Variants in MACROD2 observed in about 807,000 individuals in gnomAD.
MACROD2 encodes the protein mono-ADP ribosylhydrolase 2.
Under a neutral mutation model 70.4 loss-of-function variants are expected in MACROD2, and 36 were observed. That is an observed-to-expected ratio of 0.51 (90% CI 0.39 to 0.68). The LOEUF is 0.68. Among genes scored for constraint, MACROD2 ranks in the 30% least tolerant of loss-of-function variants. The pLI is 0.00. For missense variants in MACROD2, 496 were observed against 538.4 expected (o/e 0.92, Z 0.78); for synonymous variants, 172 against 178.8 (o/e 0.96, Z 0.30).
intron 5 of MACROD2, among the ~76,000 whole-genome samples, chr20:14,832,780 T>C (rs1332826962): frequency 4.6e-5 from 7 of 152,148 alleles, no homozygotes; most frequent in African/African-American, 1.7e-4. Context: ...TGCAAGCAGT[T>C]TACTTGACTT....
At chr20:14,736,934 G>A (rs753240910) in intron 5 of MACROD2, among the ~76,000 whole-genome samples, 4 of 152,024 alleles carry the variant, frequency 2.6e-5, no homozygotes, top group Non-Finnish European at 5.9e-5. Flanking sequence ...AACAGAATCT[G>A]TATCACCATT....
At chr20:14,153,829 T>C (rs1044386549) in intron 3 of MACROD2, among the ~76,000 whole-genome samples, 1 of 152,222 alleles carries the variant, frequency 6.6e-6, no homozygotes, top group Non-Finnish European at 1.5e-5. Context: ...ATCAGGTTCA[T>C]ATAACAAAAA....
chr20:15,086,260 A>C (rs2075747979), intron 5 of MACROD2, among the ~76,000 whole-genome samples: 1 of 152,188 alleles, frequency 6.6e-6, no homozygotes. Flanking sequence ...CTAACTTGCA[A>C]ATTGTAACTA....
intron 3 of MACROD2, among the ~76,000 whole-genome samples, chr20:14,087,059 AAAGTTCAGAAT>A (rs905646955): frequency 6.6e-6 from 1 of 152,194 alleles, no homozygotes; most frequent in Non-Finnish European, 1.5e-5. Flanking sequence ...AATTTAGCAG[AAAGTTCAGAAT>A]ACCGGTCAGC....
intron 4 of MACROD2, among the ~76,000 whole-genome samples, chr20:14,511,077 G>C (rs975227006): frequency 4.6e-5 from 7 of 152,060 alleles, no homozygotes; most frequent in Non-Finnish European, 8.8e-5. Flanking sequence ...TGGTGAGACA[G>C]AATGAAAGAA....
rs370430153 is a variant in MACROD2, at chr20:15,970,547, T to C, written c.985+2917T>C. Among the ~76,000 whole-genome samples, 9 of 152,216 alleles carry C rather than the reference T, an allele frequency of 5.9e-5. No individual in the cohort carries two copies. The East Asian group carries it at 1.7e-3, about 29-fold the overall frequency. ...TGAGCCCTGTGATTGCCCAGCTGGC[T>C]GCCTGGAGAGTTTCCAGGCTGTGGT... On this transcript the variant is annotated intron_variant, in intron 13 of 17. Transcript: ENST00000684519.
At chr20:15,337,992 A>G (rs912088642) in intron 6 of MACROD2, among the ~76,000 whole-genome samples, 5 of 151,746 alleles carry the variant, frequency 3.3e-5, no homozygotes, top group Non-Finnish European at 5.9e-5. Context: ...TCAGGATGAT[A>G]TAAGTTTTGG....
At chr20:15,282,205 CTG>C (rs1350174697) in intron 6 of MACROD2, among the ~76,000 whole-genome samples, 1 of 152,208 alleles carries the variant, frequency 6.6e-6, no homozygotes, top group African/African-American at 2.4e-5. Flanking sequence ...GGAGGGGCTG[CTG>C]TGACAACCTC....
intron 4 of MACROD2, among the ~76,000 whole-genome samples, chr20:14,534,088 T>C (rs2085336966): frequency 6.6e-6 from 1 of 152,220 alleles, no homozygotes; most frequent in Non-Finnish European, 1.5e-5. Flanking sequence ...ACATTTAGGC[T>C]CTATCTTTTA....
At chr20:14,331,407 CAA>C (rs1285266996) in intron 3 of MACROD2, among the ~76,000 whole-genome samples, 8 of 152,174 alleles carry the variant, frequency 5.3e-5, no homozygotes, top group African/African-American at 1.9e-4. Context: ...GTTTGATATG[CAA>C]ACTCACATTT....
chr20:15,590,869 T>G (rs2146667714), intron 8 of MACROD2, among the ~76,000 whole-genome samples: 1 of 123,224 alleles, frequency 8.1e-6, no homozygotes, highest in South Asian at 2.5e-4. Flanking sequence ...AAAGACTCTG[T>G]CAAAAAAAAA....
Position 15,562,581 on chromosome 20 carries a change from T to C in MACROD2, c.645+62734T>C, listed in dbSNP as rs150371703. On this transcript the variant is annotated intron_variant, in intron 8 of 17. Coordinates refer to ENST00000684519, the MANE Select transcript of MACROD2 (RefSeq NM_001351661.2). Reference sequence around the variant, plus strand: ...ACAGGCTTGTTGGAGTTCATCACTTTACTTTCTGTACATAAAGGTGATTTG... The same window carrying C: ...ACAGGCTTGTTGGAGTTCATCACTTCACTTTCTGTACATAAAGGTGATTTG... 4.6e-3 allele frequency among the ~76,000 whole-genome samples: 700 copies of C among 152,332 alleles called. 5 individuals are homozygous for C. Among genetic ancestry groups the C allele is most frequent in the African/African-American group, 0.016 (675 of 41,578 alleles).
At chr20:15,174,008 A>G (rs1048339928) in intron 5 of MACROD2, among the ~76,000 whole-genome samples, 1 of 152,240 alleles carries the variant, frequency 6.6e-6, no homozygotes, top group Non-Finnish European at 1.5e-5. Flanking sequence ...AGTTTCTTTT[A>G]TAAGTCTGAG....
rs147084181 is a variant in MACROD2, at chr20:14,650,316, A to T, written c.302-34527A>T. 1.1e-4 allele frequency among the ~76,000 whole-genome samples: 17 copies of T among 152,304 alleles called. No homozygotes were observed. In the East Asian group the frequency reaches 3.1e-3, roughly 28 times the overall value. On this transcript the variant is annotated intron_variant, in intron 4 of 17. Transcript: ENST00000684519. ...GTCTGATCTCTCTTCCAGTTCTTAC[A>T]CAGTTGGCTGTGGTTACTGACTTCT... is the stretch of plus-strand genomic sequence containing the variant.
intron 3 of MACROD2, among the ~76,000 whole-genome samples, chr20:14,386,658 G>T (rs1319277106): frequency 6.6e-6 from 1 of 151,876 alleles, no homozygotes. Context: ...CTCCCCTTTT[G>T]CCTTCTGCCA....
chr20:15,595,547 A>C (rs1390138647), intron 8 of MACROD2, among the ~76,000 whole-genome samples: 2 of 152,228 alleles, frequency 1.3e-5, no homozygotes, highest in East Asian at 3.9e-4. Context: ...GGAATAGTTA[A>C]ATTAAGGCTG....
chr20:14,478,022 C>T (rs1489159815), intron 3 of MACROD2, among the ~76,000 whole-genome samples: 12 of 151,944 alleles, frequency 7.9e-5, no homozygotes, highest in African/African-American at 2.9e-4. Flanking sequence ...AGGGTAGGTA[C>T]CCTAGAAAGC....
rs116015063 is a variant in MACROD2 at position 15,348,041 on chromosome 20, A to G, written c.541-83364A>G. Among the ~76,000 whole-genome samples, 833 of 152,192 alleles carry G rather than the reference A, an allele frequency of 5.5e-3. 7 individuals carry two copies. Among genetic ancestry groups the G allele is most frequent in the African/African-American group, 0.019 (784 of 41,536 alleles). ...TTCCTTCTGGGCATCCAACCACACA[A>G]TCTTTCCATCTACCTCTACATTTGA... is the stretch of plus-strand genomic sequence containing the variant. On this transcript the variant is annotated intron_variant, in intron 6 of 17. Coordinates refer to ENST00000684519, the MANE Select transcript of MACROD2 (RefSeq NM_001351661.2).
At chr20:14,698,218 C>T (rs574048037) in intron 5 of MACROD2, among the ~76,000 whole-genome samples, 59 of 152,226 alleles carry the variant, frequency 3.9e-4, no homozygotes, top group African/African-American at 1.3e-3. Flanking sequence ...TTGGTCTTCC[C>T]GTCTGGGATG....
Sources: allele counts gnomAD v4.1 joint callset (sites outside exome capture counted in the v4.1 genomes callset), GRCh38; gene constraint gnomAD v4.1.1; transcripts MANE v1.5; gene names NCBI Gene and HGNC (gene_info 2026-07-23, HGNC 2026-07-21).